P2RY12: variants seen among roughly 807,000 people sequenced by gnomAD.
P2RY12 encodes the protein P2Y purinoceptor 12.
P2RY12 carries 3 observed loss-of-function variants against 4.5 expected under a neutral mutation model. That is an observed-to-expected ratio of 0.67 (90% confidence interval 0.31 to 1.74). P2RY12 has a LOEUF of 1.74. Among genes scored for constraint, P2RY12 ranks in the 40% most tolerant of loss-of-function variants. The pLI is 0.09. For missense variants in P2RY12, 356 were observed against 407.8 expected, an observed-to-expected ratio of 0.87 and a Z score of 1.09; for synonymous variants, 148 against 154.1, an observed-to-expected ratio of 0.96 and a Z score of 0.29.
chr3:151,384,185 G>A (rs368010782), intron 1 of P2RY12: 13 of 1,611,704 alleles, frequency 8.1e-6, no homozygotes, highest in East Asian at 2.2e-5. Flanking sequence ...AAGAGAACAA[G>A]CGTGCATACA....
chr3:151,347,654 A>G (rs1387877319), intron 1 of P2RY12, among the ~76,000 whole-genome samples: 2 of 152,040 alleles, frequency 1.3e-5, no homozygotes, highest in African/African-American at 4.8e-5. Context: ...GTCTTGGTGA[A>G]ATGTTGAGTA....
intron 1 of P2RY12, chr3:151,379,993 T>G: frequency 1.6e-6 from 1 of 616,424 alleles, no homozygotes; most frequent in East Asian, 3.0e-5. Flanking sequence ...TTTCAAGCAG[T>G]CTTTGGCTAT....
At chr3:151,351,960 CT>C (rs1051811181) in intron 1 of P2RY12, among the ~76,000 whole-genome samples, 1 of 152,126 alleles carries the variant, frequency 6.6e-6, no homozygotes, top group African/African-American at 2.4e-5. Context: ...TCTGTGCTGC[CT>C]TTTGAGAAAC....
chr3:151,369,653 C>G (rs1755935141), intron 1 of P2RY12: 1 of 698,716 alleles, frequency 1.4e-6, no homozygotes. Flanking sequence ...AAACATGATA[C>G]TGTTTGATCG....
At chr3:151,339,431 TAA>T (rs3975402) in intron 2 of P2RY12, among the ~76,000 whole-genome samples, 17 of 145,882 alleles carry the variant, frequency 1.2e-4, no homozygotes, top group African/African-American at 2.3e-4. Flanking sequence ...ACTGAATCAG[TAA>T]AAAAAAAAAA....
At chr3:151,362,231 C>T (rs555750332) in intron 1 of P2RY12, among the ~76,000 whole-genome samples, 1 of 152,108 alleles carries the variant, frequency 6.6e-6, no homozygotes, top group Non-Finnish European at 1.5e-5. Context: ...TCAACATCCA[C>T]TAAAGTGATC....
intron 1 of P2RY12, among the ~76,000 whole-genome samples, chr3:151,357,965 T>C (rs1476355365): frequency 6.6e-6 from 1 of 152,196 alleles, no homozygotes; most frequent in Non-Finnish European, 1.5e-5. Context: ...GTAAATGAGC[T>C]CTCAAAAACT....
At chr3:151,371,008 G>C (rs1362292599) in intron 1 of P2RY12, among the ~76,000 whole-genome samples, 1 of 152,142 alleles carries the variant, frequency 6.6e-6, no homozygotes, top group Non-Finnish European at 1.5e-5. Context: ...GGCACTGAAC[G>C]CTCAAATGTA....
Position 151,337,791 on chromosome 3 carries a change from T to C in P2RY12, c.*26A>G. The C allele has an allele frequency of 1.2e-6, 2 of 1,609,204 alleles. No homozygotes were observed. The highest frequency in any genetic ancestry group is 8.5e-7 in the Non-Finnish European group (1 of 1,175,950). The stretch of plus-strand genomic sequence containing the variant: ...TTAACGAGTTCTGAACACAAAGAGA[T>C]TGAAATATTTCCTTAGTTAATTTGT... On this transcript the variant is annotated 3_prime_UTR_variant, in exon 3 of 3. Coordinates refer to ENST00000302632, the MANE Select transcript of P2RY12 (RefSeq NM_022788.5).
At chr3:151,382,814 A>C (rs1577514705) in intron 1 of P2RY12, 1 of 1,276,602 alleles carries the variant, frequency 7.8e-7, no homozygotes, top group Admixed American at 2.0e-5. Context: ...CCAGCTTTCC[A>C]CTTCTCCTAA....
intron 1 of P2RY12, among the ~76,000 whole-genome samples, chr3:151,379,788 G>A (rs1394607460): frequency 1.3e-5 from 2 of 152,110 alleles, no homozygotes; most frequent in Non-Finnish European, 2.9e-5. Context: ...TATTCTTTCT[G>A]ATGTACATTT....
intron 1 of P2RY12, among the ~76,000 whole-genome samples, chr3:151,374,642 A>G (rs916092441): frequency 6.6e-6 from 1 of 152,168 alleles, no homozygotes; most frequent in Non-Finnish European, 1.5e-5. Flanking sequence ...TTGCAATTCC[A>G]TTTTCTCTAA....
chr3:151,375,597 G>A (rs1411152543), intron 1 of P2RY12, among the ~76,000 whole-genome samples: 5 of 151,992 alleles, frequency 3.3e-5, no homozygotes, highest in Non-Finnish European at 5.9e-5. Flanking sequence ...AAGGAAGATC[G>A]TTTTCTAAAT....
At chr3:151,375,176 AC>A (rs1756677461) in intron 1 of P2RY12, among the ~76,000 whole-genome samples, 1 of 152,188 alleles carries the variant, frequency 6.6e-6, no homozygotes, top group South Asian at 2.1e-4. Context: ...GGGTGCCACC[AC>A]CTGAGTTTGA....
chr3:151,380,469 C>T (rs751464171), intron 1 of P2RY12, among the ~76,000 whole-genome samples: 34 of 151,990 alleles, frequency 2.2e-4, no homozygotes, highest in Non-Finnish European at 4.1e-4. Flanking sequence ...TGATGGTGTG[C>T]GCCTATGATC....
At chr3:151,353,992 T>A (rs990354835) in intron 1 of P2RY12, among the ~76,000 whole-genome samples, 1 of 128,472 alleles carries the variant, frequency 7.8e-6, no homozygotes, top group Non-Finnish European at 1.6e-5. Context: ...ATACAAAAAA[T>A]TAGCCGGGCG....
At chr3:151,367,607 G>A (rs1235947352) in intron 1 of P2RY12, 2 of 1,558,762 alleles carry the variant, frequency 1.3e-6, no homozygotes, top group Admixed American at 3.6e-5. Flanking sequence ...TGCTTACAAG[G>A]TTGTTAGGTA....
At chr3:151,379,237 C>G (rs1172156187) in intron 1 of P2RY12, among the ~76,000 whole-genome samples, 3 of 152,174 alleles carry the variant, frequency 2.0e-5, no homozygotes, top group Non-Finnish European at 4.4e-5. Context: ...TGTGCATTGC[C>G]TAACTTCCCA....
intron 1 of P2RY12, among the ~76,000 whole-genome samples, chr3:151,349,641 G>C (rs1270071034): frequency 6.6e-6 from 1 of 152,032 alleles, no homozygotes; most frequent in Non-Finnish European, 1.5e-5. Flanking sequence ...TTCCCTAAAT[G>C]TAAATATTTA....
Sources: allele counts gnomAD v4.1 joint callset (sites outside exome capture counted in the v4.1 genomes callset), GRCh38; gene constraint gnomAD v4.1.1; transcripts MANE v1.5; gene names NCBI Gene and HGNC (gene_info 2026-07-23, HGNC 2026-07-21).